Variants in SLC35B4 observed in about 807,000 individuals in gnomAD.
The protein encoded by SLC35B4 is nucleotide sugar transporter SLC35B4.
A neutral mutation model predicts 39.5 loss-of-function variants in SLC35B4; 28 were observed. The ratio of observed to expected loss-of-function variants is 0.71; its 90% CI spans 0.53 to 0.97. The LOEUF is 0.97. SLC35B4 is among the 50% of genes least tolerant of loss of function. SLC35B4 has a pLI of 0.00. For synonymous variants in SLC35B4, 145 were observed against 150.4 expected (o/e 0.96, Z 0.26); for missense variants, 334 against 414.3 (o/e 0.81, Z 1.68).
At chr7:134,317,660 T>G (rs985623233), upstream of SLC35B4, among the ~76,000 whole-genome samples, 2 of 152,224 alleles carry the variant, frequency 1.3e-5, no homozygotes, top group Non-Finnish European at 2.9e-5. Context: ...CAATCAGATC[T>G]TTAATGGTGA....
chr7:134,314,157 T>C (rs1239445294), intron 1 of SLC35B4, among the ~76,000 whole-genome samples: 1 of 152,156 alleles, frequency 6.6e-6, no homozygotes, highest in Non-Finnish European at 1.5e-5. Flanking sequence ...ACCATAAATA[T>C]ATAAAAAAGA....
At chr7:134,306,444 T>C (rs1452109800) in intron 3 of SLC35B4, among the ~76,000 whole-genome samples, 2 of 152,210 alleles carry the variant, frequency 1.3e-5, no homozygotes, top group Non-Finnish European at 2.9e-5. Context: ...TAATTTTCTT[T>C]TTATTAATCA....
chr7:134,298,724 T>G (rs1393108782), intron 8 of SLC35B4, among the ~76,000 whole-genome samples: 2 of 152,244 alleles, frequency 1.3e-5, no homozygotes, highest in Non-Finnish European at 2.9e-5. Flanking sequence ...ACACTATAAA[T>G]GCAGAGAATA....
intron 4 of SLC35B4, among the ~76,000 whole-genome samples, chr7:134,302,419 C>T (rs1803604465): frequency 6.6e-6 from 1 of 152,116 alleles, no homozygotes; most frequent in Non-Finnish European, 1.5e-5. Flanking sequence ...CTCAAGAGTC[C>T]AGATGAAAGG....
At chr7:134,304,971 T>C (rs1803672685) in intron 3 of SLC35B4, 117 bp from the exon 4 acceptor site, 2 of 736,594 alleles carry the variant, frequency 2.7e-6, no homozygotes. Context: ...GAAGCTAGGA[T>C]GAATAATTAG....
At chr7:134,316,642 G>A in intron 1 of SLC35B4, 33 bp downstream of exon 1, 1 of 1,547,638 alleles carries the variant, frequency 6.5e-7, no homozygotes, top group Non-Finnish European at 8.7e-7. Flanking sequence ...CCCCGCCCCG[G>A]GAGACCGGGT....
rs1387399658 is a variant in SLC35B4 at position 134,290,011 on chromosome 7, C to T, written c.*4822G>A. 1 of 152,174 alleles carries T rather than the reference C, an allele frequency of 6.6e-6. No individual in the cohort carries two copies. The highest frequency in any genetic ancestry group is 1.5e-5 in the Non-Finnish European group (1 of 68,042). The allele number at this position is 152,174 out of a possible 1,614,324, so 9.4% of individuals were successfully genotyped here. A position where few individuals can be genotyped will look rare whatever the true frequency, so the allele number is the denominator to read the frequency against. The stretch of plus-strand genomic sequence containing the variant: ...AGACCAACAGACAGTGATCTCCAGG[C>T]ATCAGCTTCAGCTGCTACAAGCTAA... On this transcript the variant is annotated 3_prime_UTR_variant, in exon 10 of 10. Coordinates refer to ENST00000378509, the MANE Select transcript of SLC35B4 (RefSeq NM_032826.5).
chr7:134,319,541 A>G (rs902861282), upstream of SLC35B4, among the ~76,000 whole-genome samples: 3 of 152,022 alleles, frequency 2.0e-5, no homozygotes, highest in Admixed American at 6.6e-5. Flanking sequence ...TGCCCTGCAC[A>G]TGTTCTCTTG....
chr7:134,305,680 T>C (rs1196761607), intron 3 of SLC35B4, among the ~76,000 whole-genome samples: 1 of 152,170 alleles, frequency 6.6e-6, no homozygotes, highest in Non-Finnish European at 1.5e-5. Flanking sequence ...ACCAGTTTTT[T>C]CTTCCCTCAG....
rs1422475398 is a variant in SLC35B4 at position 134,291,701 on chromosome 7, C to G, written c.*3132G>C. ...ATGGAAAGGAGGAAAAAACTAAAAA[C>G]AAAGTATTTGGATTTGTCTAAATAC... On this transcript the variant is annotated 3_prime_UTR_variant, in exon 10 of 10. Transcript: ENST00000378509. 3 of 152,150 alleles carry G rather than the reference C, an allele frequency of 2.0e-5. No individual in the cohort carries two copies. Among genetic ancestry groups the G allele is most frequent in the Non-Finnish European group, 4.4e-5 (3 of 68,014 alleles). The allele number at this position is 152,150 out of a possible 1,614,324, so 9.4% of individuals were successfully genotyped here.
intron 3 of SLC35B4, 102 bp downstream of exon 3, chr7:134,306,570 G>T: frequency 1.1e-6 from 1 of 894,736 alleles, no homozygotes; most frequent in South Asian, 1.9e-5. Context: ...TTCTACCCAA[G>T]ACCACTTACT....
At chr7:134,297,517 A>G (rs1009976332) in intron 8 of SLC35B4, among the ~76,000 whole-genome samples, 1 of 152,218 alleles carries the variant, frequency 6.6e-6, no homozygotes, top group Non-Finnish European at 1.5e-5. Context: ...CTTTCATTAG[A>G]GGAGGCATTG....
At chr7:134,295,119 C>T in intron 9 of SLC35B4, 40 bp from the exon 10 acceptor site, 3 of 1,600,488 alleles carry the variant, frequency 1.9e-6, no homozygotes, top group Non-Finnish European at 2.6e-6. Flanking sequence ...GTAGACTGTA[C>T]TTGGGGGATC....
intron 1 of SLC35B4, among the ~76,000 whole-genome samples, chr7:134,312,522 T>C (rs1803868395): frequency 1.3e-5 from 2 of 152,138 alleles, no homozygotes; most frequent in South Asian, 2.1e-4. Context: ...GGACAGACCA[T>C]GTCCCATTTA....
intron 1 of SLC35B4, 52 bp downstream of exon 1, chr7:134,316,623 C>T: frequency 6.5e-7 from 1 of 1,539,196 alleles, no homozygotes; most frequent in East Asian, 2.4e-5. Flanking sequence ...TCTCCTCTGG[C>T]TTCCTCCGCC....
In SLC35B4 at chr7:134,309,592, C is replaced by G. The variant is rs1019013480; in HGVS notation, c.78-113G>C. 4.3e-6 allele frequency: 3 copies of G among 700,894 alleles called. No homozygotes were observed. In the African/African-American group the frequency reaches 5.4e-5, roughly 13 times the overall value. 43.4% of individuals were successfully genotyped at this position (700,894 alleles called of 1,614,324 possible). A position where few individuals can be genotyped will look rare whatever the true frequency, so the allele number is the denominator to read the frequency against. ...AACAGCGTGGATGGATTTCAATTAC[C>G]CACTGTCCTTTATCTCAATGTTCAT... On this transcript the variant is annotated intron_variant, in intron 1 of 9. Transcript: ENST00000378509.
chr7:134,304,768 C>A (rs1274483169), intron 4 of SLC35B4, 37 bp downstream of exon 4: 1 of 1,511,632 alleles, frequency 6.6e-7, no homozygotes, highest in South Asian at 1.1e-5. Context: ...CTCAGGGTAT[C>A]ATTTCCATAC....
intron 6 of SLC35B4, among the ~76,000 whole-genome samples, chr7:134,301,525 G>A (rs563409066): frequency 1.6e-4 from 25 of 152,254 alleles, no homozygotes; most frequent in African/African-American, 5.8e-4. Context: ...CTACACCAGT[G>A]GCAACCAAGA....
At position 134,316,663 on chromosome 7, in the gene SLC35B4, C is replaced by T. The variant is rs1160133585; in HGVS notation, c.77+12G>A. ...CCCGGGAGACCGGGTGCGGCCCGAG[C>T]GGGTCACTCACCGGGCCAGGAGCTC... On this transcript the variant is annotated intron_variant, in intron 1 of 9. Transcript: ENST00000378509. 7 of 1,549,292 alleles carry T rather than the reference C, an allele frequency of 4.5e-6. No individual in the cohort carries two copies. The highest frequency in any genetic ancestry group is 6.1e-6 in the Non-Finnish European group (7 of 1,146,418).
Sources: allele counts gnomAD v4.1 joint callset (sites outside exome capture counted in the v4.1 genomes callset), GRCh38; gene constraint gnomAD v4.1.1; transcripts MANE v1.5; gene names NCBI Gene and HGNC (gene_info 2026-07-23, HGNC 2026-07-21).